The following TENM2 variants were observed in gnomAD, a reference collection of about 807,000 sequenced individuals.
The protein encoded by TENM2 is teneurin-2.
Under a neutral mutation model 245.2 loss-of-function variants are expected in TENM2, and 52 were observed. The ratio of observed to expected loss-of-function variants is 0.21; its 90% CI spans 0.17 to 0.27. TENM2 has a LOEUF of 0.27. TENM2 is among the 10% of genes least tolerant of loss of function. TENM2 has a pLI of 1.00. For synonymous variants in TENM2, 1,363 were observed against 1,438.9 expected (o/e 0.95, Z 1.19); for missense variants, 3,046 against 3,666.8 (o/e 0.83, Z 4.37).
intron 2 of TENM2, among the ~76,000 whole-genome samples, chr5:167,510,392 T>C (rs1337481036): frequency 2.0e-5 from 3 of 152,196 alleles, no homozygotes; most frequent in African/African-American, 7.2e-5. Flanking sequence ...TTCCAAGTTA[T>C]ACTGAAGCAA....
intron 2 of TENM2, among the ~76,000 whole-genome samples, chr5:167,505,829 A>G (rs1769503998): frequency 6.6e-6 from 1 of 152,168 alleles, no homozygotes; most frequent in African/African-American, 2.4e-5. Flanking sequence ...ACAAGAAAAT[A>G]TTAAAGGGAT....
chr5:167,415,530 A>G (rs1763120252), intron 2 of TENM2, among the ~76,000 whole-genome samples: 1 of 152,260 alleles, frequency 6.6e-6, no homozygotes, highest in Non-Finnish European at 1.5e-5. Flanking sequence ...TGAATGGCTT[A>G]CTTTGCAGTT....
intron 2 of TENM2, among the ~76,000 whole-genome samples, chr5:167,436,413 A>G (rs1260108860): frequency 1.3e-5 from 2 of 152,070 alleles, no homozygotes; most frequent in African/African-American, 2.4e-5. Flanking sequence ...AGCATTCAAG[A>G]GGTAATTTGG....
chr5:167,460,190 A>C (rs1273467630), intron 2 of TENM2, among the ~76,000 whole-genome samples: 4 of 152,132 alleles, frequency 2.6e-5, no homozygotes, highest in Non-Finnish European at 5.9e-5. Context: ...TCTAGCCTGA[A>C]ATTTTTCCCA....
intron 1 of TENM2, among the ~76,000 whole-genome samples, chr5:167,318,944 G>A (rs1212483328): frequency 6.6e-6 from 1 of 152,206 alleles, no homozygotes; most frequent in African/African-American, 2.4e-5. Context: ...AGCAATAGGA[G>A]AGCAGTTGGA....
intron 26 of TENM2, among the ~76,000 whole-genome samples, chr5:168,245,705 C>T (rs1324747855): frequency 2.0e-5 from 3 of 152,060 alleles, no homozygotes; most frequent in Non-Finnish European, 2.9e-5. Flanking sequence ...CAGGTCCATT[C>T]CTTCCTTTCT....
At chr5:167,816,260 A>C (rs1048468565) in intron 2 of TENM2, among the ~76,000 whole-genome samples, 1 of 152,050 alleles carries the variant, frequency 6.6e-6, no homozygotes, top group African/African-American at 2.4e-5. Flanking sequence ...ATTCCCTTTG[A>C]TCTCTCTACC....
chr5:168,003,427 T>A (rs956175974), intron 5 of TENM2, among the ~76,000 whole-genome samples: 2 of 150,260 alleles, frequency 1.3e-5, no homozygotes, highest in Non-Finnish European at 3.0e-5. Context: ...TGAAATTAAG[T>A]CAAGAAGTAA....
intron 7 of TENM2, among the ~76,000 whole-genome samples, chr5:168,070,403 T>G (rs187238849): frequency 3.3e-5 from 5 of 152,266 alleles, no homozygotes; most frequent in Admixed American, 2.0e-4. Context: ...TTCCAGTGAT[T>G]CCCAGATAAC....
At chr5:167,093,269 A>G in the TENM2 span, among the ~76,000 whole-genome samples, 1 of 152,238 alleles carries the variant, frequency 6.6e-6, no homozygotes, top group Non-Finnish European at 1.5e-5. Flanking sequence ...TTCCACGGAT[A>G]CAAGAGTTCA....
At chr5:167,957,828 G>T (rs1384510254) in intron 4 of TENM2, among the ~76,000 whole-genome samples, 2 of 152,166 alleles carry the variant, frequency 1.3e-5, no homozygotes, top group African/African-American at 4.8e-5. Flanking sequence ...ATTGCACTGT[G>T]GTCTGAGAGA....
intron 2 of TENM2, among the ~76,000 whole-genome samples, chr5:167,712,255 G>A (rs1758962639): frequency 1.3e-5 from 2 of 152,134 alleles, no homozygotes; most frequent in African/African-American, 4.8e-5. Context: ...TACAAATGAG[G>A]TATTTTAGTG....
chr5:167,066,084 G>T, the TENM2 span, among the ~76,000 whole-genome samples: 1 of 152,178 alleles, frequency 6.6e-6, no homozygotes, highest in African/African-American at 2.4e-5. Flanking sequence ...GGGCAAGGGA[G>T]TGCGGGAAAG....
At chr5:167,859,508 G>C (rs1771489585) in intron 2 of TENM2, among the ~76,000 whole-genome samples, 2 of 108,946 alleles carry the variant, frequency 1.8e-5, no homozygotes, top group East Asian at 3.1e-4. Flanking sequence ...GAGGGAGATG[G>C]GGGGGTCAGC....
chr5:168,113,793 G>A (rs1794857874), intron 9 of TENM2, among the ~76,000 whole-genome samples: 1 of 152,046 alleles, frequency 6.6e-6, no homozygotes, highest in African/African-American at 2.4e-5. Flanking sequence ...ACTAGATTTA[G>A]TAAAACAGGA....
chr5:168,041,024 G>C (rs1788140377), intron 5 of TENM2, among the ~76,000 whole-genome samples: 1 of 152,182 alleles, frequency 6.6e-6, no homozygotes, highest in South Asian at 2.1e-4. Flanking sequence ...ACAATATTTA[G>C]TAAGTAAGTG....
At chr5:167,837,806 T>TG (rs1439106666) in intron 2 of TENM2, among the ~76,000 whole-genome samples, 2 of 110,262 alleles carry the variant, frequency 1.8e-5, no homozygotes, top group African/African-American at 5.7e-5. Context: ...AGGGCTTGGT[T>TG]TTTTTTTTTT....
chr5:167,337,152 A>T (rs1025471247), intron 1 of TENM2, among the ~76,000 whole-genome samples: 1 of 139,668 alleles, frequency 7.2e-6, no homozygotes, highest in Admixed American at 7.6e-5. Context: ...AAAAAAAAAA[A>T]ATCAAAAATC....
At chr5:167,059,027 T>G in the TENM2 span, among the ~76,000 whole-genome samples, 1 of 152,146 alleles carries the variant, frequency 6.6e-6, no homozygotes, top group Non-Finnish European at 1.5e-5. Flanking sequence ...GTAATTCTCT[T>G]GCCTTAGGGG....
Sources: gnomAD v4.1 joint callset for allele counts (sites outside exome capture counted in the v4.1 genomes callset) on GRCh38, gnomAD v4.1.1 for gene constraint, MANE v1.5 for transcripts, NCBI Gene and HGNC (gene_info 2026-07-23, HGNC 2026-07-21) for gene names.